Variants in ASS1 observed in about 807,000 individuals in gnomAD.
ASS1 encodes the protein argininosuccinate synthase.
In ASS1, 58 loss-of-function variants were observed where a neutral mutation model predicts 60.5. That is an observed-to-expected ratio of 0.96 (90% CI 0.78 to 1.19). The LOEUF is 1.19. Ranked by LOEUF, ASS1 falls within the 50% of genes most tolerant of loss-of-function variation. The pLI is 0.00. For missense variants in ASS1, 454 were observed against 547.3 expected (o/e 0.83, Z 1.70); for synonymous variants, 200 against 206.9 (o/e 0.97, Z 0.29).
chr9:130,445,245 CGCGAGTCCCCGGGT>C (rs1165676721), intron 1 of ASS1: 129 of 960,878 alleles, frequency 1.3e-4, no homozygotes, highest in Non-Finnish European at 1.4e-4. Context: ...TCCCCGGGGG[CGCGAGTCCCCGGGT>C]CCGAAGAGCG....
intron 6 of ASS1, among the ~76,000 whole-genome samples, chr9:130,468,875 G>A (rs895577528): frequency 7.2e-5 from 11 of 152,224 alleles, no homozygotes; most frequent in Admixed American, 5.9e-4. Context: ...GTTGGAGATC[G>A]TTTTGTTTTT....
In ASS1 at chr9:130,488,508, C is replaced by T. The variant is rs1033456489; in HGVS notation, c.839-825C>T. Among the ~76,000 whole-genome samples, 2 of 152,180 alleles carry T rather than the reference C, an allele frequency of 1.3e-5. No individual in the cohort carries two copies. Among genetic ancestry groups the T allele is most frequent in the Non-Finnish European group, 2.9e-5 (2 of 68,032 alleles). ...CCCACTGTCCTCCAATGCAGTAGGA[C>T]CTTCCCCCAGACCCAGCTCAGCCCA... On this transcript the variant is annotated intron_variant, in intron 11 of 14. Transcript: ENST00000352480. The surrounding 1 kb of genome is among the most constrained non-coding windows in gnomAD (Gnocchi z 5.2).
At chr9:130,479,999 A>G in intron 10 of ASS1, 199 bp downstream of exon 10, 1 of 740,940 alleles carries the variant, frequency 1.3e-6, no homozygotes, top group Non-Finnish European at 2.5e-6. Context: ...TAGCCTTGGA[A>G]GATAACAACC....
At chr9:130,486,944 C>T (rs1431521705) in intron 11 of ASS1, among the ~76,000 whole-genome samples, 1 of 152,226 alleles carries the variant, frequency 6.6e-6, no homozygotes, top group Admixed American at 6.5e-5. Flanking sequence ...ATCACTTTGC[C>T]AAAGGCCCTT....
rs975805165 is a variant in ASS1 at position 130,476,851 on chromosome 9, C to G, written c.598-20C>G. 1 of 1,607,876 alleles carries G rather than the reference C, an allele frequency of 6.2e-7. No homozygotes were observed. The highest frequency in any genetic ancestry group is 1.3e-5 in the African/African-American group (1 of 74,854). On this transcript the variant is annotated intron_variant, in intron 8 of 14. Transcript: ENST00000352480. This position sits in a 1 kb window ranked among gnomAD's most constrained non-coding sequence, Gnocchi z 4.9. ...AGGGACTGGTATGTCATCTGCCCAC[C>G]ACTTTCTGTCTTTTTTCAGAACCAA...
intron 11 of ASS1, among the ~76,000 whole-genome samples, chr9:130,485,149 C>T (rs565438536): frequency 6.6e-6 from 1 of 152,318 alleles, no homozygotes; most frequent in East Asian, 1.9e-4. Context: ...AGTCACAGCT[C>T]TTCCTCGAGC....
intron 4 of ASS1, among the ~76,000 whole-genome samples, chr9:130,462,102 AC>A (rs1276566769): frequency 6.9e-6 from 1 of 145,156 alleles, no homozygotes; most frequent in African/African-American, 2.5e-5. Flanking sequence ...ACCCCTGCCC[AC>A]CCAGAGAGCT....
rs1588486516 is a variant in ASS1 at position 130,470,342 on chromosome 9, A to C, written c.496-492A>C. ...TGTGGCTGTTGCGCCAGGCCCAGGG[A>C]GGGGTGCCCCCAGAAGGTGTGGGCC... On this transcript the variant is annotated intron_variant, in intron 6 of 14. Transcript: ENST00000352480. The surrounding 1 kb of genome is among the most constrained non-coding windows in gnomAD (Gnocchi z 4.3). 6.6e-6 allele frequency among the ~76,000 whole-genome samples: 1 copy of C among 152,138 alleles called. No individual in the cohort carries two copies. The highest frequency in any genetic ancestry group is 1.5e-5 in the Non-Finnish European group (1 of 68,026).
In ASS1 at chr9:130,478,727, C is replaced by CG. The variant is rs34599158; in HGVS notation, c.689-983dup. On this transcript the variant is annotated intron_variant, in intron 9 of 14. Transcript: ENST00000352480. This position sits in a 1 kb window ranked among gnomAD's most constrained non-coding sequence, Gnocchi z 4.7. Reference sequence around the variant, plus strand: ...GGGAGAGAAAGGGAGAGAGGAGAGGCGGGGGGTGGTGAGAGGGGCTTAAGG... The same window carrying CG: ...GGGAGAGAAAGGGAGAGAGGAGAGGCGGGGGGGTGGTGAGAGGGGCTTAAGG... 2.0e-5 allele frequency among the ~76,000 whole-genome samples: 3 copies of CG among 151,968 alleles called. No individual in the cohort carries two copies. Among genetic ancestry groups the CG allele is most frequent in the African/African-American group, 4.8e-5 (2 of 41,374 alleles).
chr9:130,465,135 G>T (rs902358839), intron 5 of ASS1, among the ~76,000 whole-genome samples: 2 of 146,746 alleles, frequency 1.4e-5, no homozygotes, highest in Non-Finnish European at 3.0e-5. Flanking sequence ...TGCAACCTCT[G>T]CCTCCCAAGT....
chr9:130,499,665 G>A, intron 14 of ASS1, 95 bp downstream of exon 14: 10 of 1,291,778 alleles, frequency 7.7e-6, no homozygotes, highest in East Asian at 4.9e-5. Context: ...GCTTTGATGC[G>A]ACCTTGACTG....
intron 3 of ASS1, among the ~76,000 whole-genome samples, chr9:130,457,498 A>C (rs527551980): frequency 6.6e-6 from 1 of 152,296 alleles, no homozygotes; most frequent in South Asian, 2.1e-4. Flanking sequence ...GTTTTCACTC[A>C]GTGTCTCCCT....
intron 8 of ASS1, among the ~76,000 whole-genome samples, chr9:130,474,231 C>T (rs2131890142): frequency 6.6e-6 from 1 of 152,154 alleles, no homozygotes; most frequent in East Asian, 1.9e-4. Context: ...AAGCAAATGT[C>T]ATTTTATTTC....
At chr9:130,472,017 C>T (rs1845879126) in intron 8 of ASS1, among the ~76,000 whole-genome samples, 1 of 152,192 alleles carries the variant, frequency 6.6e-6, no homozygotes, top group African/African-American at 2.4e-5. Flanking sequence ...GCGGGCTGGA[C>T]TGGGCCCTCA....
Position 130,489,722 on chromosome 9 carries a change from T to G in ASS1, c.970+258T>G, listed in dbSNP as rs1846401475. Among the ~76,000 whole-genome samples, 1 of 152,298 alleles carries G rather than the reference T, an allele frequency of 6.6e-6. No homozygotes were observed. Among genetic ancestry groups the G allele is most frequent in the Middle Eastern group, 3.4e-3 (1 of 294 alleles). ...GGAGATGCACCGGCTTCCCAAGGTGTCCGGCAGCTTCCACCCCCTACAGTT... is the reference window on the plus strand; with the variant it reads ...GGAGATGCACCGGCTTCCCAAGGTGGCCGGCAGCTTCCACCCCCTACAGTT... On this transcript the variant is annotated intron_variant, in intron 12 of 14. Transcript: ENST00000352480. This position sits in a 1 kb window ranked among gnomAD's most constrained non-coding sequence, Gnocchi z 4.1.
intron 8 of ASS1, 114 bp downstream of exon 8, chr9:130,471,629 G>A (rs1171204017): frequency 1.3e-5 from 17 of 1,324,886 alleles, no homozygotes; most frequent in East Asian, 2.4e-5. Context: ...GGGGCCAGCC[G>A]TGGGGCTGGG....
rs560428754 is a variant in ASS1 at position 130,483,929 on chromosome 9, G to C, written c.838+3480G>C. Among the ~76,000 whole-genome samples the C allele has an allele frequency of 6.6e-5, 10 of 152,046 alleles. No homozygotes were observed. The South Asian group carries it at 1.9e-3, about 28-fold the overall frequency. ...CACTTTCTGGCCCAGAAGGAACAAG[G>C]GCTGTCACCCACTTGCCCAACGTGC... On this transcript the variant is annotated intron_variant, in intron 11 of 14. Coordinates refer to ENST00000352480, the MANE Select transcript of ASS1 (RefSeq NM_054012.4).
chr9:130,464,489 G>C lies in ASS1; in HGVS notation c.420+322G>C, dbSNP rs147952401. Among the ~76,000 whole-genome samples the C allele has an allele frequency of 1.8e-3, 272 of 152,208 alleles. 3 individuals carry two copies. Among genetic ancestry groups the C allele is most frequent in the African/African-American group, 6.2e-3 (257 of 41,526 alleles). On this transcript the variant is annotated intron_variant, in intron 5 of 14. Transcript: ENST00000352480. ...GGCATGGCTCTGGCACCCCAGGTGCGGGCAGGGATGGCTCTGGCACCCCAG... is the reference window on the plus strand; with the variant it reads ...GGCATGGCTCTGGCACCCCAGGTGCCGGCAGGGATGGCTCTGGCACCCCAG...
At chr9:130,460,553 A>G (rs1205439575) in intron 4 of ASS1, among the ~76,000 whole-genome samples, 1 of 152,122 alleles carries the variant, frequency 6.6e-6, no homozygotes, top group East Asian at 1.9e-4. Context: ...AGGAGTGAAT[A>G]ATGGCATGGA....
Sources: gnomAD v4.1 joint callset for allele counts (sites outside exome capture counted in the v4.1 genomes callset) on GRCh38, gnomAD v4.1.1 for gene constraint, Gnocchi (gnomAD v3.1) non-coding constraint, MANE v1.5 for transcripts, NCBI Gene and HGNC (gene_info 2026-07-23, HGNC 2026-07-21) for gene names.